HELZ2: variants seen among roughly 807,000 people sequenced by gnomAD.
The protein encoded by HELZ2 is 3'-5' exoribonuclease HELZ2.
A neutral mutation model predicts 208.8 loss-of-function variants in HELZ2; 143 were observed. The observed-to-expected ratio is 0.68, with a 90% CI of 0.60 to 0.79. The LOEUF is 0.79. Ranked by LOEUF, HELZ2 falls within the 30% of genes least tolerant of loss-of-function variation. The pLI is 0.00. For synonymous variants in HELZ2, 1,705 were observed against 1,693.7 expected, an observed-to-expected ratio of 1.01 and a Z score of -0.16; for missense variants, 3,690 against 3,794.5, an observed-to-expected ratio of 0.97 and a Z score of 0.72.
chr20:63,565,830 C>A (rs750057275), exon 8 of HELZ2: 1 of 1,599,182 alleles, frequency 6.3e-7, no homozygotes, highest in Non-Finnish European at 8.5e-7. Context: ...CCCGGCTCTG[C>A]CTTCACCATG....
At chr20:63,565,107 T>C (rs2146014826) in exon 8 of HELZ2, 1 of 1,567,688 alleles carries the variant, frequency 6.4e-7, no homozygotes, top group South Asian at 1.2e-5. Context: ...AGGCTGTAGA[T>C]GGGGACCTGC....
Position 63,567,573 on chromosome 20 carries a change from GT to G in HELZ2, c.1784del (p.His595ProfsTer9), listed in dbSNP as rs2082976871. The stretch of plus-strand genomic sequence containing the variant: ...TCACACGGAGAGGAGTGGCCTCGGG[GT>G]GGCCGCCGCTGACGTGGCTGTGGAA... On this transcript the variant is annotated frameshift_variant, in exon 6 of 19. Coordinates refer to ENST00000467148, the Ensembl canonical transcript of HELZ2. LOFTEE classifies it high-confidence loss of function. 1 of 1,587,340 alleles carries G rather than the reference GT, an allele frequency of 6.3e-7. No homozygotes were observed. The highest frequency in any genetic ancestry group is 1.3e-5 in the African/African-American group (1 of 74,616).
chr20:63,564,837 G>C, exon 8 of HELZ2: 3 of 1,610,646 alleles, frequency 1.9e-6, no homozygotes, highest in Non-Finnish European at 2.5e-6. Context: ...CCGGCAACCC[G>C]GCCAAGCTCC....
rs199516263 is a variant in HELZ2 at position 63,561,312 on chromosome 20, G to A, written c.6953+38C>T. On this transcript the variant is annotated intron_variant, in intron 13 of 18. Transcript: ENST00000467148. ...CTGCTTGTCACCCCAGGGCCCCCAT[G>A]CTGCAGGCAGCTCCACCCCCTGGCC... 1.1e-3 allele frequency: 1,774 copies of A among 1,612,508 alleles called. 7 individuals carry two copies. Among genetic ancestry groups the A allele is most frequent in the Middle Eastern group, 9.2e-3 (56 of 6,058 alleles).
At chr20:63,564,658 C>A (rs746844524) in exon 8 of HELZ2, 1 of 1,575,470 alleles carries the variant, frequency 6.3e-7, no homozygotes. Flanking sequence ...GCCTTCGCGC[C>A]TCCACGTCCA....
Position 63,570,735 on chromosome 20 carries a change from G to A in HELZ2, c.412C>T (p.Gln138Ter), listed in dbSNP as rs768146173. Residue 138 changes from glutamine (Q) to a stop codon, truncating the protein, a stop_gained, in exon 2 of 19, where the codon CAG (glutamine) becomes TAG (stop). Coordinates refer to ENST00000467148, the Ensembl canonical transcript of HELZ2. LOFTEE classifies it high-confidence loss of function. ...TGGTACTCGGCCAGCAGCCGCTCCT[G>A]GTAGGGCACCAGCCCGTCCTGCCAG... The A allele has an allele frequency of 6.3e-7, 1 of 1,595,158 alleles. No homozygotes were observed. The highest frequency in any genetic ancestry group is 1.1e-5 in the South Asian group (1 of 90,442).
exon 8 of HELZ2, chr20:63,564,896 G>A (rs1489601076): frequency 6.2e-7 from 1 of 1,612,336 alleles, no homozygotes. Flanking sequence ...GTCCGACGGG[G>A]GCACCCTCAA....
chr20:63,561,188 G>A, exon 14 of HELZ2: 1 of 1,613,022 alleles, frequency 6.2e-7, no homozygotes, highest in Non-Finnish European at 8.5e-7. Context: ...TTTGAGGCTG[G>A]CAGAGGCTGC....
At chr20:63,569,960 G>T (rs965181814) in intron 3 of HELZ2, among the ~76,000 whole-genome samples, 3 of 152,020 alleles carry the variant, frequency 2.0e-5, no homozygotes, top group Admixed American at 6.6e-5. Flanking sequence ...TTTTTGTTTT[G>T]GTTTTTGAGA....
At chr20:63,560,743 G>A (rs757347216) in intron 15 of HELZ2, 46 bp from the exon 17 acceptor site, 5 of 1,604,520 alleles carry the variant, frequency 3.1e-6, no homozygotes, top group Non-Finnish European at 3.4e-6. Flanking sequence ...ACGCGGGGTT[G>A]TGGCCCCCCA....
rs201718785 is a variant in HELZ2, at chr20:63,560,736, C to T, written c.7282-39G>A. On this transcript the variant is annotated intron_variant, in intron 15 of 18. Coordinates refer to ENST00000467148, the Ensembl canonical transcript of HELZ2. ...TGTGCGCTGGTCAGAGGCTGCCACG[C>T]GGGGTTGTGGCCCCCCAGGGGCTGC... The T allele has an allele frequency of 6.8e-4, 1,088 of 1,604,082 alleles. 19 individuals are homozygous for T. The South Asian group carries it at 9.8e-3, about 14-fold the overall frequency.
chr20:63,562,369 C>T (rs2146008812), exon 9 of HELZ2: 1 of 1,589,724 alleles, frequency 6.3e-7, no homozygotes, highest in Admixed American at 1.8e-5. Context: ...CCACGCACGG[C>T]TTCCTCCTTG....
chr20:63,569,583 C>T (rs774443974), exon 4 of HELZ2: 12 of 1,581,222 alleles, frequency 7.6e-6, no homozygotes, highest in South Asian at 1.1e-5. Flanking sequence ...TGCGTAGAGC[C>T]GGCCTGGCGG....
chr20:63,562,527 G>A (rs1242250025), exon 8 of HELZ2: 3 of 1,578,106 alleles, frequency 1.9e-6, no homozygotes, highest in Non-Finnish European at 2.6e-6. Context: ...CACAGATCAG[G>A]AAGCTGCTTG....
In HELZ2 at chr20:63,562,985, T is replaced by C. The variant is rs1430127012; in HGVS notation, c.5837A>G (p.Glu1946Gly). 2.5e-6 allele frequency: 4 copies of C among 1,597,608 alleles called. No individual in the cohort carries two copies. The Admixed American group carries it at 5.2e-5, about 21-fold the overall frequency. Residue 1946 changes from glutamate to glycine, a missense_variant, in exon 8 of 19, where the codon GAA becomes GGA. Coordinates refer to ENST00000467148, the Ensembl canonical transcript of HELZ2. ...GGCCGACTCCAGGGCGCAGAATGGT[T>C]CCCACACGCAGGCGTACTCATCCAC...
chr20:63,572,358 C>A, exon 1 of HELZ2: 1 of 1,557,864 alleles, frequency 6.4e-7, no homozygotes, highest in African/African-American at 1.4e-5. Flanking sequence ...TGGAGGCCAC[C>A]CAGCTGCTCG....
exon 8 of HELZ2, chr20:63,565,666 C>T (rs45548036): frequency 1.7e-5 from 28 of 1,610,034 alleles, no homozygotes; most frequent in African/African-American, 8.0e-5. Flanking sequence ...CCTCAGCCTC[C>T]GTGGACTCCA....
exon 8 of HELZ2, chr20:63,565,543 C>T (rs1380954131): frequency 1.9e-6 from 3 of 1,606,618 alleles, no homozygotes; most frequent in South Asian, 2.2e-5. Flanking sequence ...TGTCCAGCAG[C>T]CCGTCCTCCC....
rs998525561 is a variant in HELZ2 at position 63,566,315 on chromosome 20, T to G, written c.2590+63A>C. 1.9e-5 allele frequency: 29 copies of G among 1,518,672 alleles called. No homozygotes were observed. The South Asian group carries it at 2.8e-4, about 15-fold the overall frequency. 94.1% of individuals were successfully genotyped at this position (1,518,672 alleles called of 1,614,324 possible). ...CCCCTGCCGATGCCAGGCTGAGGAG[T>G]GGGCCGAGCCACCCGGGGTATCCTG... On this transcript the variant is annotated intron_variant, in intron 7 of 18. Coordinates refer to ENST00000467148, the Ensembl canonical transcript of HELZ2.
Sources: gnomAD v4.1 joint callset for allele counts (sites outside exome capture counted in the v4.1 genomes callset) on GRCh38, gnomAD v4.1.1 for gene constraint, MANE v1.5 for transcripts, NCBI Gene and HGNC (gene_info 2026-07-23, HGNC 2026-07-21) for gene names.